Variants in TANC2 observed in about 807,000 individuals in gnomAD.
TANC2 encodes the protein tetratricopeptide repeat, ankyrin repeat and coiled-coil containing 2.
TANC2 carries 26 observed loss-of-function variants against 210.5 expected under a neutral mutation model. That is an observed-to-expected ratio of 0.12 (90% CI 0.09 to 0.17). The LOEUF (loss-of-function observed/expected upper bound fraction) is 0.17, where lower values mean the gene tolerates loss of function less well. Ranked by LOEUF, TANC2 falls within the 10% of genes least tolerant of loss-of-function variation. TANC2 has a pLI of 1.00. For missense variants in TANC2, 2,129 were observed against 2,608.9 expected (o/e 0.82, Z 4.01); for synonymous variants, 931 against 967.1 (o/e 0.96, Z 0.69).
intron 2 of TANC2, among the ~76,000 whole-genome samples, chr17:63,068,785 TAG>T: frequency 6.6e-6 from 1 of 151,906 alleles, no homozygotes; most frequent in African/African-American, 2.4e-5. Context: ...AAATGAATTC[TAG>T]AGTTAAAATG....
intron 2 of TANC2, among the ~76,000 whole-genome samples, chr17:63,044,810 C>T (rs2035317457): frequency 6.6e-6 from 1 of 151,988 alleles, no homozygotes; most frequent in Non-Finnish European, 1.5e-5. Flanking sequence ...AATTTGTTTC[C>T]TTAATTTATA....
At chr17:63,036,845 G>GT (rs542320358) in intron 2 of TANC2, among the ~76,000 whole-genome samples, 3,472 of 133,922 alleles carry the variant, frequency 0.026, 123 homozygotes, top group African/African-American at 0.074. Flanking sequence ...TTACATGTAA[G>GT]TTTTTTTTTT....
intron 2 of TANC2, among the ~76,000 whole-genome samples, chr17:63,061,099 G>A (rs2035980589): frequency 1.3e-5 from 2 of 152,258 alleles, no homozygotes; most frequent in Non-Finnish European, 2.9e-5. Flanking sequence ...AGGCACGGTG[G>A]CTCATGCCTG....
At chr17:63,354,227 C>T (rs896943265) in intron 13 of TANC2, among the ~76,000 whole-genome samples, 2 of 152,164 alleles carry the variant, frequency 1.3e-5, no homozygotes, top group African/African-American at 4.8e-5. Context: ...GAATCTGTTA[C>T]CAAGGTGCCA....
chr17:63,122,696 T>C (rs1347643930), intron 4 of TANC2, among the ~76,000 whole-genome samples: 2 of 152,086 alleles, frequency 1.3e-5, no homozygotes, highest in Non-Finnish European at 2.9e-5. Context: ...CACACCACTG[T>C]ACTCCAGCCT....
chr17:63,362,696 C>T (rs1330989080), intron 14 of TANC2, among the ~76,000 whole-genome samples: 5 of 152,228 alleles, frequency 3.3e-5, no homozygotes, highest in Non-Finnish European at 7.3e-5. Context: ...ACAACAGTGC[C>T]CAGCTTCAGC....
chr17:63,363,721 G>T (rs2146965781), intron 14 of TANC2, among the ~76,000 whole-genome samples: 1 of 152,264 alleles, frequency 6.6e-6, no homozygotes, highest in East Asian at 1.9e-4. Context: ...TGGTCTACAT[G>T]TCTGTTTTTA....
At chr17:63,003,999 A>G (rs1022676612) in intron 1 of TANC2, among the ~76,000 whole-genome samples, 6 of 152,176 alleles carry the variant, frequency 3.9e-5, no homozygotes, top group African/African-American at 9.7e-5. Flanking sequence ...ACAGTGTACA[A>G]CAACTTTCAG....
At chr17:63,151,717 A>C (rs1417722811) in intron 5 of TANC2, 2 of 152,210 alleles carry the variant, frequency 1.3e-5, no homozygotes, top group East Asian at 3.9e-4. Flanking sequence ...AGAAATGTTG[A>C]AGATGTGAAT....
intron 3 of TANC2, among the ~76,000 whole-genome samples, chr17:63,091,519 G>A (rs2037193317): frequency 6.6e-6 from 1 of 152,270 alleles, no homozygotes; most frequent in South Asian, 2.1e-4. Context: ...TCAGATGGTT[G>A]TAGATGTGTG....
exon 28 of TANC2, chr17:63,426,860 A>G (rs1008382852): frequency 6.6e-6 from 1 of 152,214 alleles, no homozygotes; most frequent in African/African-American, 2.4e-5. Flanking sequence ...CGCTAACCAG[A>G]AAGTCTGGTT....
Position 63,177,414 on chromosome 17 carries a change from G to A in TANC2, c.434-16577G>A, listed in dbSNP as rs78927056. Among the ~76,000 whole-genome samples the A allele has an allele frequency of 7.0e-3, 1,061 of 151,862 alleles. 14 individuals are homozygous for A. Among genetic ancestry groups the A allele is most frequent in the African/African-American group, 0.024 (1,006 of 41,384 alleles). The stretch of plus-strand genomic sequence containing the variant: ...ATCTGGAATAAGATAGCAACTAGAT[G>A]GTAGTGAGTGAGTAGGAAAATGACT... On this transcript the variant is annotated intron_variant, in intron 5 of 27. Transcript: ENST00000689528.
At chr17:63,321,562 GT>G (rs2045494138) in intron 11 of TANC2, among the ~76,000 whole-genome samples, 1 of 152,114 alleles carries the variant, frequency 6.6e-6, no homozygotes, top group African/African-American at 2.4e-5. Context: ...GTATTCCTAA[GT>G]TTTTTTCCTG....
At chr17:63,303,452 G>C (rs974416021) in intron 9 of TANC2, among the ~76,000 whole-genome samples, 2 of 152,190 alleles carry the variant, frequency 1.3e-5, no homozygotes, top group African/African-American at 4.8e-5. Flanking sequence ...TAGGGTTTCT[G>C]CTGAGAGGTC....
intron 5 of TANC2, among the ~76,000 whole-genome samples, chr17:63,158,927 G>T (rs1371582949): frequency 1.3e-5 from 2 of 152,110 alleles, no homozygotes; most frequent in Non-Finnish European, 2.9e-5. Flanking sequence ...AGATCTTCAT[G>T]GGCTGTTGAA....
At chr17:63,114,192 A>C (rs1301448249) in intron 4 of TANC2, among the ~76,000 whole-genome samples, 1 of 152,210 alleles carries the variant, frequency 6.6e-6, no homozygotes, top group African/African-American at 2.4e-5. Context: ...GTAGCATCAC[A>C]CATTTGGGAT....
At chr17:63,227,919 A>T (rs916345904) in intron 7 of TANC2, among the ~76,000 whole-genome samples, 2 of 152,000 alleles carry the variant, frequency 1.3e-5, no homozygotes, top group Non-Finnish European at 2.9e-5. Context: ...GCCGGAGTGC[A>T]GTGCTGCAAT....
chr17:63,100,631 G>A (rs2037585479), intron 4 of TANC2, among the ~76,000 whole-genome samples: 1 of 152,086 alleles, frequency 6.6e-6, no homozygotes, highest in African/African-American at 2.4e-5. Flanking sequence ...TCCCAAATCT[G>A]TTGGCTGTCA....
At chr17:63,135,165 A>G (rs1282489382) in intron 4 of TANC2, among the ~76,000 whole-genome samples, 2 of 152,234 alleles carry the variant, frequency 1.3e-5, no homozygotes, top group East Asian at 1.9e-4. Flanking sequence ...GCAGTGAGCC[A>G]TGCTTGTGCC....
Sources: allele counts gnomAD v4.1 joint callset (sites outside exome capture counted in the v4.1 genomes callset), GRCh38; gene constraint gnomAD v4.1.1; transcripts MANE v1.5; gene names NCBI Gene and HGNC (gene_info 2026-07-23, HGNC 2026-07-21).